RNLS: variants seen among roughly 807,000 people sequenced by gnomAD.
The protein encoded by RNLS is renalase.
In RNLS, 39 loss-of-function variants were observed where a neutral mutation model predicts 39.8. That is an observed-to-expected ratio of 0.98 (90% CI 0.76 to 1.28). The LOEUF is 1.28. Ranked by LOEUF, RNLS falls within the 50% of genes most tolerant of loss-of-function variation. The pLI, the probability that RNLS is intolerant of heterozygous loss-of-function variation, is 0.00. For synonymous variants in RNLS, 147 were observed against 150.7 expected (o/e 0.98, Z 0.18); for missense variants, 410 against 413.3 (o/e 0.99, Z 0.07).
chr10:88,413,010 T>A (rs1853781247), intron 4 of RNLS, among the ~76,000 whole-genome samples: 1 of 152,180 alleles, frequency 6.6e-6, no homozygotes, highest in Admixed American at 6.6e-5. Flanking sequence ...CATTCACTAC[T>A]GTGTTTAAGG....
the RNLS span, among the ~76,000 whole-genome samples, chr10:88,203,991 T>G: frequency 1.3e-5 from 2 of 152,116 alleles, no homozygotes; most frequent in Non-Finnish European, 2.9e-5. Context: ...TTTTCTCATT[T>G]AATGTTCACC....
chr10:88,223,500 C>T, the RNLS span, among the ~76,000 whole-genome samples: 159 of 152,266 alleles, frequency 1.0e-3, no homozygotes, highest in African/African-American at 3.6e-3. Flanking sequence ...ATTTGAAACA[C>T]GATCTTCATG....
chr10:88,466,181 A>G (rs957195903), intron 4 of RNLS, among the ~76,000 whole-genome samples: 1 of 152,158 alleles, frequency 6.6e-6, no homozygotes, highest in Non-Finnish European at 1.5e-5. Context: ...TATACCCATT[A>G]GAAGGACAAG....
downstream of RNLS, among the ~76,000 whole-genome samples, chr10:88,282,600 G>A (rs987860921): frequency 3.3e-5 from 5 of 151,878 alleles, no homozygotes; most frequent in Admixed American, 3.3e-4. Context: ...GTAGTGGGTA[G>A]GCGGGGGGTG....
chr10:88,342,333 G>A (rs1848014272), intron 5 of RNLS, among the ~76,000 whole-genome samples: 1 of 152,188 alleles, frequency 6.6e-6, no homozygotes, highest in South Asian at 2.1e-4. Flanking sequence ...CCTATTTCAA[G>A]TATAGAACTT....
the RNLS span, among the ~76,000 whole-genome samples, chr10:88,216,787 CA>C: frequency 6.6e-6 from 1 of 152,184 alleles, no homozygotes; most frequent in South Asian, 2.1e-4. Context: ...ACAACAACAA[CA>C]AAAAAACCCG....
At chr10:88,501,009 A>ATATC (rs1448856823) in intron 4 of RNLS, among the ~76,000 whole-genome samples, 1 of 130,958 alleles carries the variant, frequency 7.6e-6, no homozygotes, top group African/African-American at 2.6e-5. Flanking sequence ...GTGTGTGTGT[A>ATATC]TATATATCTC....
At chr10:88,272,030 A>G (rs565677942), downstream of RNLS, among the ~76,000 whole-genome samples, 11 of 152,324 alleles carry the variant, frequency 7.2e-5, no homozygotes, top group Admixed American at 2.0e-4. Flanking sequence ...AGGAAGTGGC[A>G]TTATAGCAGG....
At chr10:88,317,067 T>C (rs1459450413) in intron 5 of RNLS, among the ~76,000 whole-genome samples, 2 of 152,208 alleles carry the variant, frequency 1.3e-5, no homozygotes, top group African/African-American at 4.8e-5. Flanking sequence ...TTAATGATGC[T>C]ATTTTTCTTT....
At chr10:88,252,544 C>T in the RNLS span, among the ~76,000 whole-genome samples, 1 of 152,166 alleles carries the variant, frequency 6.6e-6, no homozygotes, top group Non-Finnish European at 1.5e-5. Flanking sequence ...TCTTTACCTG[C>T]CCAAGTCTAT....
intron 4 of RNLS, among the ~76,000 whole-genome samples, chr10:88,500,961 TATA>T (rs1436989722): frequency 6.6e-6 from 1 of 151,988 alleles, no homozygotes; most frequent in African/African-American, 2.4e-5. Flanking sequence ...GGGGGAAATA[TATA>T]ATGTGTGTAT....
At chr10:88,311,717 G>A (rs1845396418) in intron 6 of RNLS, among the ~76,000 whole-genome samples, 1 of 152,156 alleles carries the variant, frequency 6.6e-6, no homozygotes, top group Non-Finnish European at 1.5e-5. Flanking sequence ...CCTGAGCAGA[G>A]TACTAGCCAT....
intron 6 of RNLS, among the ~76,000 whole-genome samples, chr10:88,292,480 C>T (rs1843739533): frequency 6.6e-6 from 1 of 151,376 alleles, no homozygotes. Context: ...AGAAAACTTA[C>T]TCCAATTACT....
chr10:88,327,954 G>C (rs1014322608), intron 5 of RNLS, among the ~76,000 whole-genome samples: 2 of 152,026 alleles, frequency 1.3e-5, no homozygotes, highest in African/African-American at 4.8e-5. Context: ...TGTCACCCAG[G>C]CTAGAGTGCA....
chr10:88,445,828 C>T (rs2133870752), intron 4 of RNLS, among the ~76,000 whole-genome samples: 1 of 152,266 alleles, frequency 6.6e-6, no homozygotes, highest in South Asian at 2.1e-4. Flanking sequence ...TCCTTAGAGA[C>T]CTACAAAGAG....
the RNLS span, among the ~76,000 whole-genome samples, chr10:88,202,608 T>C: frequency 6.6e-6 from 1 of 152,294 alleles, no homozygotes; most frequent in Admixed American, 6.5e-5. Flanking sequence ...TTTATTCAAC[T>C]TCAAACGTAG....
intron 4 of RNLS, among the ~76,000 whole-genome samples, chr10:88,443,928 C>T (rs543584731): frequency 1.8e-4 from 28 of 152,356 alleles, no homozygotes; most frequent in African/African-American, 6.3e-4. Flanking sequence ...CAGCAGAAAC[C>T]TCTGCAGACT....
intron 4 of RNLS, among the ~76,000 whole-genome samples, chr10:88,444,240 A>G (rs945290125): frequency 2.0e-5 from 3 of 152,220 alleles, no homozygotes; most frequent in Non-Finnish European, 2.9e-5. Context: ...GCAAATTCCA[A>G]CAGACCTGCA....
chr10:88,407,235 G>A (rs1024619778), intron 4 of RNLS, among the ~76,000 whole-genome samples: 2 of 151,936 alleles, frequency 1.3e-5, no homozygotes, highest in African/African-American at 2.4e-5. Flanking sequence ...CAAACTCCGT[G>A]TGCATGTGGA....
Sources: gnomAD v4.1 joint callset for allele counts (sites outside exome capture counted in the v4.1 genomes callset) on GRCh38, gnomAD v4.1.1 for gene constraint, MANE v1.5 for transcripts, NCBI Gene and HGNC (gene_info 2026-07-23, HGNC 2026-07-21) for gene names.